The following IGF2R variants were observed in gnomAD, a reference collection of about 807,000 sequenced individuals.
The protein encoded by IGF2R is cation-independent mannose-6-phosphate receptor.
In IGF2R, 91 loss-of-function variants were observed where a neutral mutation model predicts 270.6. The observed-to-expected ratio is 0.34, with a 90% CI of 0.28 to 0.40. The LOEUF (loss-of-function observed/expected upper bound fraction) is 0.40, where lower values mean the gene tolerates loss of function less well. Among genes scored for constraint, IGF2R ranks in the 10% least tolerant of loss-of-function variants. IGF2R has a pLI of 1.00. For synonymous variants in IGF2R, 1,316 were observed against 1,258.9 expected (o/e 1.05, Z -0.96); for missense variants, 2,805 against 3,188.3 (o/e 0.88, Z 2.90).
intron 5 of IGF2R, among the ~76,000 whole-genome samples, chr6:160,026,173 A>C (rs1777557574): frequency 6.6e-6 from 1 of 152,226 alleles, no homozygotes; most frequent in South Asian, 2.1e-4. Context: ...ATTGTCTTAC[A>C]CTGAGTCCCC....
chr6:160,070,371 G>A (rs1473942740), intron 31 of IGF2R, among the ~76,000 whole-genome samples: 2 of 152,166 alleles, frequency 1.3e-5, no homozygotes, highest in African/African-American at 2.4e-5. Flanking sequence ...TCTTCACGGC[G>A]GCAGCTTGGG....
chr6:159,980,488 A>G (rs1049522806), intron 1 of IGF2R, among the ~76,000 whole-genome samples: 1 of 152,202 alleles, frequency 6.6e-6, no homozygotes, highest in African/African-American at 2.4e-5. Flanking sequence ...TGAGTCTGTA[A>G]GAAGGTGGAG....
rs112506306 is a variant in IGF2R, at chr6:160,042,295, G to C, written c.1481-853G>C. Among the ~76,000 whole-genome samples the C allele has an allele frequency of 8.3e-4, 127 of 152,244 alleles. 1 individual carries two copies. The highest frequency in any genetic ancestry group is 2.4e-3 in the Admixed American group (37 of 15,292). On this transcript the variant is annotated intron_variant, in intron 11 of 47. Transcript: ENST00000356956. ...CACAGTCTTGTATGGTTTCTTTTAG[G>C]CTGTTGACATTGGAAAGTACTTCTC...
chr6:159,986,156 G>T lies in IGF2R; in HGVS notation c.150-5028G>T, dbSNP rs556983620. Among the ~76,000 whole-genome samples the T allele has an allele frequency of 4.6e-5, 7 of 151,958 alleles. No homozygotes were observed. The East Asian group carries it at 1.4e-3, about 29-fold the overall frequency. On this transcript the variant is annotated intron_variant, in intron 1 of 47. Transcript: ENST00000356956. ...CAGTTGAGATGGAATACAGCATAGA[G>T]TCAGTGACTTTTAGAAGACTTGACA...
In IGF2R at chr6:160,063,419, C is replaced by A; in HGVS notation, c.3675C>A (p.Asp1225Glu). Residue 1225 changes from aspartate (D) to glutamate (E), a missense_variant, in exon 27 of 48, where the codon GAC (aspartate) becomes GAA (glutamate). Physicochemically the swap from Asp to Glu is conservative, Grantham distance 45. This residue lies in a region of IGF2R where 1,851 missense variants were observed against 2,207.2 expected (regional missense o/e 0.84). Transcript: ENST00000356956. ...ACTTCTTCCATGTTCTTGAAGGGGA[C>A]AACTGTGAGGTGAAAGACCCAAGGC... ...EACPVVRVEG[D>E]NCEVKDPRHG... 1 of 1,611,564 alleles carries A rather than the reference C, an allele frequency of 6.2e-7. No homozygotes were observed. Among genetic ancestry groups the A allele is most frequent in the Non-Finnish European group, 8.5e-7 (1 of 1,179,300 alleles).
At chr6:160,019,550 C>T (rs2115217149) in intron 4 of IGF2R, among the ~76,000 whole-genome samples, 1 of 152,246 alleles carries the variant, frequency 6.6e-6, no homozygotes, top group South Asian at 2.1e-4. Flanking sequence ...CTATGATAAA[C>T]AGATTCAAAA....
intron 8 of IGF2R, 93 bp downstream of exon 8, chr6:160,032,806 G>A (rs1297400249): frequency 6.9e-7 from 1 of 1,452,532 alleles, no homozygotes; most frequent in South Asian, 1.3e-5. Flanking sequence ...GTCCATGCAT[G>A]CTTCTGGGTT....
At chr6:160,003,913 A>G (rs1298133485) in intron 2 of IGF2R, 1 of 144,670 alleles carries the variant, frequency 6.9e-6, no homozygotes, top group African/African-American at 2.5e-5. Flanking sequence ...TGTGACACGT[A>G]AGTAAAGACC....
At position 160,107,017 on chromosome 6, in the gene IGF2R, C is replaced by G. The variant is rs914033155; in HGVS notation, c.*1933C>G. 6.6e-6 allele frequency: 1 copy of G among 152,216 alleles called. No individual in the cohort carries two copies. The highest frequency in any genetic ancestry group is 1.9e-4 in the East Asian group (1 of 5,200). 9.4% of individuals were successfully genotyped at this position (152,216 alleles called of 1,614,324 possible). On this transcript the variant is annotated 3_prime_UTR_variant, in exon 48 of 48. Coordinates refer to ENST00000356956, the MANE Select transcript of IGF2R (RefSeq NM_000876.4). ...TTATAAACAAACTTCTTAGACTCAA[C>G]ATCCTATTCTCCATCCCTTTTTTTT...
chr6:160,087,419 T>C (rs1779119239), intron 41 of IGF2R, among the ~76,000 whole-genome samples: 1 of 152,208 alleles, frequency 6.6e-6, no homozygotes, highest in African/African-American at 2.4e-5. Context: ...CTTTGGACAG[T>C]GCCCTGTTCT....
At position 160,032,951 on chromosome 6, in the gene IGF2R, A is replaced by G. The variant is rs751282169; in HGVS notation, c.1055A>G (p.Tyr352Cys). 14 of 1,592,526 alleles carry G rather than the reference A, an allele frequency of 8.8e-6. No homozygotes were observed. The highest frequency in any genetic ancestry group is 1.7e-5 in the Admixed American group (1 of 59,780). Reference protein sequence around the residue: ...TPLAQSGGSSYISDGKEYLFY... With the variant: ...TPLAQSGGSSCISDGKEYLFY... ...ATTTCCCTGTTTTTAGGTTCATCCT[A>G]TATTTCAGATGGAAAAGAATATTTG... The change falls in exon 9 of 48, where the codon TAT becomes TGT. Residue 352 changes from tyrosine (Y) to cysteine (C), a missense_variant. Physicochemically the swap from Tyr to Cys is radical, Grantham distance 194. This residue lies in a region of IGF2R where 954 missense variants were observed against 981.1 expected (regional missense o/e 0.97). Transcript: ENST00000356956.
intron 12 of IGF2R, 68 bp downstream of exon 12, chr6:160,043,356 A>T (rs895009947): frequency 1.1e-5 from 16 of 1,513,672 alleles, no homozygotes; most frequent in Non-Finnish European, 1.4e-5. Flanking sequence ...AATGAGTTAG[A>T]AGATCTTTCT....
At chr6:159,995,257 G>A (rs1474019489) in intron 2 of IGF2R, among the ~76,000 whole-genome samples, 3 of 150,238 alleles carry the variant, frequency 2.0e-5, no homozygotes, top group Non-Finnish European at 3.0e-5. Context: ...TGCTTCTCCC[G>A]CTCACTTTTG....
intron 44 of IGF2R, among the ~76,000 whole-genome samples, chr6:160,092,920 A>G (rs1583303578): frequency 6.6e-6 from 1 of 152,234 alleles, no homozygotes; most frequent in East Asian, 1.9e-4. Context: ...AGTCCACACA[A>G]GGGTTCCTCA....
Position 160,102,632 on chromosome 6 carries a change from G to C in IGF2R, c.6956G>C (p.Cys2319Ser), listed in dbSNP as rs1779513149. ...VLSLLLVALT[C>S]CLLALLLYKK... ...AGCCTGCTGCTGGTGGCGCTCACCT[G>C]CTGCCTGCTGGCCCTGTTGCTCTAC... The change falls in exon 46 of 48, where the codon TGC becomes TCC. Residue 2319 changes from cysteine (C) to serine (S), a missense_variant. Coordinates refer to ENST00000356956, the MANE Select transcript of IGF2R (RefSeq NM_000876.4). This position sits in a 1 kb window ranked among gnomAD's most constrained non-coding sequence, Gnocchi z 4.5. The C allele has an allele frequency of 6.2e-7, 1 of 1,612,078 alleles. No individual in the cohort carries two copies. The highest frequency in any genetic ancestry group is 1.1e-5 in the South Asian group (1 of 90,928).
rs762749110 is a variant in IGF2R, at chr6:160,097,866, T to C, written c.6842+1241T>C. Reference sequence around the variant, plus strand: ...ATGAGCTCAGCAAAAACCAGCTTTGTCCTGTGCTGTTCAGGCCTGTGTACT... The same window carrying C: ...ATGAGCTCAGCAAAAACCAGCTTTGCCCTGTGCTGTTCAGGCCTGTGTACT... On this transcript the variant is annotated intron_variant, in intron 45 of 47. Coordinates refer to ENST00000356956, the MANE Select transcript of IGF2R (RefSeq NM_000876.4). 5.4e-4 allele frequency among the ~76,000 whole-genome samples: 83 copies of C among 152,302 alleles called. 2 individuals carry two copies. Among genetic ancestry groups the C allele is most frequent in the Admixed American group, 9.8e-4 (15 of 15,298 alleles).
intron 3 of IGF2R, among the ~76,000 whole-genome samples, chr6:160,009,950 C>T (rs1784307148): frequency 6.6e-6 from 1 of 151,642 alleles, no homozygotes; most frequent in African/African-American, 2.4e-5. Flanking sequence ...AATTTTGGAT[C>T]CGCATATAAA....
rs1048432329 is a variant in IGF2R at position 160,057,220 on chromosome 6, C to T, written c.2796+695C>T. Among the ~76,000 whole-genome samples the T allele has an allele frequency of 1.1e-4, 17 of 152,338 alleles. No homozygotes were observed. In the South Asian group the frequency reaches 2.1e-3, roughly 19 times the overall value. ...TCTCTCAGTGCCTACTGGCTCCTCC[C>T]GCCTTCTGCCCGGGTCCATGCCCTC... On this transcript the variant is annotated intron_variant, in intron 20 of 47. Transcript: ENST00000356956.
chr6:160,094,867 C>T (rs1779313425), intron 44 of IGF2R: 1 of 141,588 alleles, frequency 7.1e-6, no homozygotes, highest in Non-Finnish European at 1.5e-5. Flanking sequence ...CACTACACTC[C>T]AGCCTGGGCG....
Sources: allele counts gnomAD v4.1 joint callset (sites outside exome capture counted in the v4.1 genomes callset), GRCh38; gene constraint gnomAD v4.1.1; regional missense constraint gnomAD v4.1.1; non-coding constraint Gnocchi (gnomAD v3.1); transcripts MANE v1.5; gene names NCBI Gene and HGNC (gene_info 2026-07-23, HGNC 2026-07-21).